CCDC90B: variants seen among roughly 807,000 people sequenced by gnomAD.
The protein encoded by CCDC90B is coiled-coil domain-containing protein 90B, mitochondrial.
In CCDC90B, 24 loss-of-function variants were observed where a neutral mutation model predicts 37.0. That is an observed-to-expected ratio of 0.65 (90% CI 0.47 to 0.91). CCDC90B has a LOEUF of 0.91. CCDC90B is among the 40% of genes least tolerant of loss of function. The pLI is 0.00. For synonymous variants in CCDC90B, 113 were observed against 101.1 expected, an observed-to-expected ratio of 1.12 and a Z score of -0.71; for missense variants, 319 against 299.0, an observed-to-expected ratio of 1.07 and a Z score of -0.49.
chr11:83,285,836 A>G, intron 1 of CCDC90B, 37 bp downstream of exon 1: 4 of 1,589,552 alleles, frequency 2.5e-6, no homozygotes, highest in Non-Finnish European at 3.4e-6. Flanking sequence ...CTCCCTAGAG[A>G]GCACTCAGGC....
chr11:83,284,096 A>T (rs1865545157), intron 1 of CCDC90B, among the ~76,000 whole-genome samples: 1 of 152,226 alleles, frequency 6.6e-6, no homozygotes, highest in South Asian at 2.1e-4. Context: ...GTACAGACTT[A>T]AACATCTGTA....
chr11:83,261,381 T>G lies in CCDC90B; in HGVS notation c.*530A>C, dbSNP rs1267394459. 1 of 152,200 alleles carries G rather than the reference T, an allele frequency of 6.6e-6. No individual in the cohort carries two copies. Among genetic ancestry groups the G allele is most frequent in the Non-Finnish European group, 1.5e-5 (1 of 68,020 alleles). 9.4% of individuals were successfully genotyped at this position (152,200 alleles called of 1,614,324 possible). ...CGCGCCTGGCCTATCATTTTAAAAT[T>G]TATTGTTTTAGTTCATTACCAAAAA... On this transcript the variant is annotated 3_prime_UTR_variant, in exon 9 of 9. Transcript: ENST00000529689.
intron 7 of CCDC90B, among the ~76,000 whole-genome samples, chr11:83,270,531 G>C (rs1308650339): frequency 6.6e-6 from 1 of 152,154 alleles, no homozygotes; most frequent in Non-Finnish European, 1.5e-5. Context: ...CAAATCATGA[G>C]TGAACTCCCA....
intron 2 of CCDC90B, among the ~76,000 whole-genome samples, chr11:83,279,460 TAG>T (rs1865255963): frequency 6.6e-6 from 1 of 152,198 alleles, no homozygotes; most frequent in Admixed American, 6.5e-5. Context: ...CCTTGGTTTG[TAG>T]AGAGGTTAAG....
intron 2 of CCDC90B, among the ~76,000 whole-genome samples, chr11:83,279,255 TG>T (rs1172036711): frequency 6.6e-6 from 1 of 151,524 alleles, no homozygotes; most frequent in African/African-American, 2.4e-5. Flanking sequence ...TACTCCAGCC[TG>T]GGCAACAGAG....
chr11:83,277,279 A>G (rs1252837591), intron 3 of CCDC90B, among the ~76,000 whole-genome samples: 1 of 152,204 alleles, frequency 6.6e-6, no homozygotes, highest in African/African-American at 2.4e-5. Context: ...CAGTAGCTCC[A>G]TATAGCTCTT....
At chr11:83,267,639 T>C (rs11825810) in intron 7 of CCDC90B, among the ~76,000 whole-genome samples, 3,105 of 152,258 alleles carry the variant, frequency 0.02, 98 homozygotes, top group African/African-American at 0.07. Flanking sequence ...CTACGTTTGA[T>C]TGGTGTACCT....
chr11:83,266,106 A>G (rs1864250908), intron 7 of CCDC90B, 127 bp from the exon 8 acceptor site: 1 of 571,886 alleles, frequency 1.7e-6, no homozygotes, highest in Non-Finnish European at 3.1e-6. Context: ...GGAAACATTA[A>G]AAGCATAGTG....
chr11:83,265,058 T>G (rs1289353413), intron 8 of CCDC90B, among the ~76,000 whole-genome samples: 1 of 151,990 alleles, frequency 6.6e-6, no homozygotes, highest in African/African-American at 2.4e-5. Flanking sequence ...TGTATACATA[T>G]GTAACTAACC....
rs1863904159 is a variant in CCDC90B, at chr11:83,261,035, A to C, written c.*876T>G. 1 of 152,174 alleles carries C rather than the reference A, an allele frequency of 6.6e-6. No individual in the cohort carries two copies. The highest frequency in any genetic ancestry group is 6.6e-5 in the Admixed American group (1 of 15,266). The allele number at this position is 152,174 out of a possible 1,614,324, so 9.4% of individuals were successfully genotyped here. ...AAAATACATGTAATAATCAGAGCTC[A>C]ATATTTAGCAACTCTACAGATTTCA... On this transcript the variant is annotated 3_prime_UTR_variant, in exon 9 of 9. Coordinates refer to ENST00000529689, the MANE Select transcript of CCDC90B (RefSeq NM_021825.5).
At chr11:83,277,342 T>C (rs1297014025) in intron 3 of CCDC90B, among the ~76,000 whole-genome samples, 1 of 152,194 alleles carries the variant, frequency 6.6e-6, no homozygotes, top group Non-Finnish European at 1.5e-5. Context: ...GCTTTTTCTT[T>C]AGTGGATTTA....
chr11:83,278,224 A>C (rs1341217621), intron 3 of CCDC90B, among the ~76,000 whole-genome samples: 2 of 152,236 alleles, frequency 1.3e-5, no homozygotes, highest in African/African-American at 4.8e-5. Context: ...TGTGCCACTT[A>C]CATGTTAAAT....
intron 3 of CCDC90B, among the ~76,000 whole-genome samples, chr11:83,275,153 G>A (rs548912704): frequency 5.3e-5 from 8 of 152,254 alleles, no homozygotes; most frequent in African/African-American, 1.9e-4. Flanking sequence ...AAGTCAGGCA[G>A]TAAAACAAAA....
chr11:83,267,718 A>G (rs1444605229), intron 7 of CCDC90B, among the ~76,000 whole-genome samples: 1 of 152,248 alleles, frequency 6.6e-6, no homozygotes, highest in Non-Finnish European at 1.5e-5. Context: ...TCCCCAACCT[A>G]GCAAAGCAGG....
chr11:83,266,440 CAAG>C (rs1390889269), intron 7 of CCDC90B, among the ~76,000 whole-genome samples: 1 of 152,242 alleles, frequency 6.6e-6, no homozygotes, highest in Non-Finnish European at 1.5e-5. Flanking sequence ...AACTGGCAGA[CAAG>C]GAGATTCTCT....
intron 7 of CCDC90B, chr11:83,267,470 C>G (rs1197643746): frequency 6.6e-6 from 1 of 152,114 alleles, no homozygotes; most frequent in Non-Finnish European, 1.5e-5. Flanking sequence ...GTGATGCATG[C>G]CCAAGCTTCA....
In CCDC90B at chr11:83,265,944, A is replaced by G; in HGVS notation, c.630T>C (p.Ser210=). The change falls in exon 8 of 9, where the codon AGT becomes AGC. Residue 210 remains serine (S), a synonymous_variant. Coordinates refer to ENST00000529689, the MANE Select transcript of CCDC90B (RefSeq NM_021825.5). ...AAGCAATTTCAGCGTCAATTTTATTACTGGTCTCTGAAATAATACTTTTGG... is the reference window on the plus strand; with the variant it reads ...AAGCAATTTCAGCGTCAATTTTATTGCTGGTCTCTGAAATAATACTTTTGG... ...TQTKSIISET[S]NKIDAEIASL... 6.2e-7 allele frequency: 1 copy of G among 1,610,218 alleles called. No individual in the cohort carries two copies. The highest frequency in any genetic ancestry group is 8.5e-7 in the Non-Finnish European group (1 of 1,176,722).
At chr11:83,263,448 T>G (rs1361058373) in intron 8 of CCDC90B, among the ~76,000 whole-genome samples, 1 of 152,218 alleles carries the variant, frequency 6.6e-6, no homozygotes, top group Non-Finnish European at 1.5e-5. Flanking sequence ...CTATACCCTG[T>G]CTAGGGAGAC....
At chr11:83,277,099 TA>T (rs1354955188) in intron 3 of CCDC90B, among the ~76,000 whole-genome samples, 4 of 152,122 alleles carry the variant, frequency 2.6e-5, no homozygotes, top group Non-Finnish European at 5.9e-5. Context: ...ACAGCAGTAA[TA>T]AAAAAGCCAA....
Sources: allele counts gnomAD v4.1 joint callset (sites outside exome capture counted in the v4.1 genomes callset), GRCh38; gene constraint gnomAD v4.1.1; transcripts MANE v1.5; gene names NCBI Gene and HGNC (gene_info 2026-07-23, HGNC 2026-07-21).